SERPINB12: variants seen among roughly 807,000 people sequenced by gnomAD.
The protein encoded by SERPINB12 is serpin B12.
SERPINB12 carries 57 observed loss-of-function variants against 41.1 expected under a neutral mutation model. The ratio of observed to expected loss-of-function variants is 1.39; its 90% CI spans 1.12 to 1.73. The LOEUF (loss-of-function observed/expected upper bound fraction) is 1.73. Ranked by LOEUF, SERPINB12 falls within the 40% of genes most tolerant of loss-of-function variation. The pLI is 0.00. For missense variants in SERPINB12, 536 were observed against 501.9 expected (o/e 1.07, Z -0.65); for synonymous variants, 180 against 181.3 (o/e 0.99, Z 0.06).
the SERPINB12 span, among the ~76,000 whole-genome samples, chr18:63,527,480 T>C: frequency 6.6e-6 from 1 of 152,204 alleles, no homozygotes; most frequent in Non-Finnish European, 1.5e-5. Flanking sequence ...TCATTGAGAA[T>C]GGTCTTCTGG....
intron 3 of SERPINB12, among the ~76,000 whole-genome samples, chr18:63,559,050 C>CTTT (rs754333928): frequency 1.1e-5 from 1 of 91,592 alleles, no homozygotes; most frequent in Non-Finnish European, 2.8e-5. Flanking sequence ...TTCTTTCTTT[C>CTTT]TTTCTTTCTC....
chr18:63,549,773 G>T (rs144962417), intron 1 of SERPINB12, among the ~76,000 whole-genome samples: 224 of 152,278 alleles, frequency 1.5e-3, no homozygotes, highest in African/African-American at 4.3e-3. Flanking sequence ...AGTGGTCTTG[G>T]TAAGAGACAC....
chr18:63,563,179 G>C (rs145665410), intron 5 of SERPINB12, among the ~76,000 whole-genome samples: 1 of 152,234 alleles, frequency 6.6e-6, no homozygotes, highest in Non-Finnish European at 1.5e-5. Flanking sequence ...GAATGAGAAA[G>C]AGCATATAAA....
intron 1 of SERPINB12, among the ~76,000 whole-genome samples, chr18:63,553,669 A>G (rs1348408012): frequency 6.6e-6 from 1 of 152,158 alleles, no homozygotes; most frequent in African/African-American, 2.4e-5. Context: ...TCAAACATTA[A>G]CCTAAGTTAT....
intron 1 of SERPINB12, among the ~76,000 whole-genome samples, chr18:63,546,226 G>A (rs1350454293): frequency 2.6e-5 from 4 of 152,230 alleles, no homozygotes; most frequent in Admixed American, 2.6e-4. Flanking sequence ...AGGGGTCCTC[G>A]TTTGTCCTTA....
the SERPINB12 span, among the ~76,000 whole-genome samples, chr18:63,526,930 G>A: frequency 4.5e-4 from 68 of 152,276 alleles, 1 homozygote; most frequent in African/African-American, 1.4e-3. Context: ...AACCTGTGCC[G>A]CATGTAACTG....
rs187562758 is a variant in SERPINB12 at position 63,543,631 on chromosome 18, G to C, written c.-19+1139G>C. ...TTTTATTGAGACAGAGTCTCACTCT[G>C]TTGCCCAGGCTGGAGTGCAGTGGCG... On this transcript the variant is annotated intron_variant, in intron 1 of 7. Transcript: ENST00000382768. Among the ~76,000 whole-genome samples, 297 of 151,428 alleles carry C rather than the reference G, an allele frequency of 2.0e-3. 1 individual carries two copies. The highest frequency in any genetic ancestry group is 6.8e-3 in the African/African-American group (281 of 41,202).
intron 3 of SERPINB12, 57 bp downstream of exon 3, chr18:63,558,543 G>A: frequency 6.5e-7 from 1 of 1,537,342 alleles, no homozygotes; most frequent in Non-Finnish European, 8.7e-7. Context: ...GCTTATTCTG[G>A]CTGTAGGATA....
At chr18:63,551,427 G>A (rs1035842251) in intron 1 of SERPINB12, among the ~76,000 whole-genome samples, 2 of 152,058 alleles carry the variant, frequency 1.3e-5, no homozygotes, top group African/African-American at 4.8e-5. Context: ...CCAGGTTCAA[G>A]CGATTCTCCT....
chr18:63,548,395 TAGATG>T (rs1304334920), intron 1 of SERPINB12, among the ~76,000 whole-genome samples: 1 of 152,016 alleles, frequency 6.6e-6, no homozygotes, highest in Non-Finnish European at 1.5e-5. Context: ...AAATTGAAAG[TAGATG>T]AGGTTTTAAA....
Position 63,567,105 on chromosome 18 carries a change from C to T in SERPINB12, c.*94C>T, listed in dbSNP as rs1568134175. 1 of 1,194,740 alleles carries T rather than the reference C, an allele frequency of 8.4e-7. No homozygotes were observed. The highest frequency in any genetic ancestry group is 2.4e-5 in the East Asian group (1 of 42,084). 74.0% of individuals were successfully genotyped at this position (1,194,740 alleles called of 1,614,324 possible). A position where few individuals can be genotyped will look rare whatever the true frequency, so the allele number is the denominator to read the frequency against. ...TGGGCATTTGAGTTTTTGGTAATAT[C>T]TAAAGCATCTCCTTCATCCTCCAGC... On this transcript the variant is annotated 3_prime_UTR_variant, in exon 8 of 8. Transcript: ENST00000382768.
At chr18:63,553,264 G>A (rs890444888) in intron 1 of SERPINB12, among the ~76,000 whole-genome samples, 1 of 152,202 alleles carries the variant, frequency 6.6e-6, no homozygotes, top group African/African-American at 2.4e-5. Context: ...GAAAAACTGT[G>A]TGATCTAGGA....
At chr18:63,555,650 G>A in intron 1 of SERPINB12, among the ~76,000 whole-genome samples, 1 of 152,132 alleles carries the variant, frequency 6.6e-6, no homozygotes, top group Non-Finnish European at 1.5e-5. Context: ...AAAGAAGAGG[G>A]AAATTTGGAT....
At chr18:63,550,700 T>C (rs1910502487) in intron 1 of SERPINB12, among the ~76,000 whole-genome samples, 1 of 152,102 alleles carries the variant, frequency 6.6e-6, no homozygotes, top group African/African-American at 2.4e-5. Flanking sequence ...CAAGAGCTGA[T>C]TTTGTGCATT....
intron 1 of SERPINB12, 33 bp from the exon 2 acceptor site, chr18:63,556,109 C>T: frequency 2.0e-6 from 3 of 1,487,158 alleles, no homozygotes; most frequent in East Asian, 2.3e-5. Flanking sequence ...TTCCAATCAC[C>T]ATTTTCTCTT....
At chr18:63,544,443 C>T (rs902627926) in intron 1 of SERPINB12, among the ~76,000 whole-genome samples, 1 of 152,120 alleles carries the variant, frequency 6.6e-6, no homozygotes, top group East Asian at 1.9e-4. Flanking sequence ...TATTATTATT[C>T]TTATTTTTTT....
At chr18:63,526,159 T>A in the SERPINB12 span, among the ~76,000 whole-genome samples, 9 of 152,176 alleles carry the variant, frequency 5.9e-5, no homozygotes, top group African/African-American at 2.2e-4. Context: ...AAACACTTAT[T>A]TTTTTCCTTT....
At chr18:63,523,928 C>T in the SERPINB12 span, among the ~76,000 whole-genome samples, 1 of 152,074 alleles carries the variant, frequency 6.6e-6, no homozygotes, top group Non-Finnish European at 1.5e-5. Flanking sequence ...GATATTGAAT[C>T]TGAAAAGCTT....
In SERPINB12 at chr18:63,566,650, G is replaced by T; in HGVS notation, c.917G>T (p.Ser306Ile). 1 of 1,613,694 alleles carries T rather than the reference G, an allele frequency of 6.2e-7. No individual in the cohort carries two copies. The highest frequency in any genetic ancestry group is 8.5e-7 in the Non-Finnish European group (1 of 1,179,930). ...ITYEKMVAWS[S>I]SENMSEESVV... ...TATGAAAAAATGGTGGCCTGGAGCA[G>T]CTCAGAAAACATGTCAGAAGAATCG... is the stretch of plus-strand genomic sequence containing the variant. The change falls in exon 8 of 8, where the codon AGC becomes ATC. Residue 306 changes from serine (S) to isoleucine (I), a missense_variant. By Grantham distance (142) the Ser-to-Ile change is moderately radical. Coordinates refer to ENST00000382768, the MANE Select transcript of SERPINB12 (RefSeq NM_001307928.2).
Sources: allele counts gnomAD v4.1 joint callset (sites outside exome capture counted in the v4.1 genomes callset), GRCh38; gene constraint gnomAD v4.1.1; transcripts MANE v1.5; gene names NCBI Gene and HGNC (gene_info 2026-07-23, HGNC 2026-07-21).